DLG2: variants seen among roughly 807,000 people sequenced by gnomAD.
DLG2 encodes discs large MAGUK scaffold protein 2.
Under a neutral mutation model 132.5 loss-of-function variants are expected in DLG2, and 45 were observed. That is an observed-to-expected ratio of 0.34 (90% CI 0.27 to 0.44). The LOEUF (loss-of-function observed/expected upper bound fraction) is 0.44, where lower values mean the gene tolerates loss of function less well. Ranked by LOEUF, DLG2 falls within the 20% of genes least tolerant of loss-of-function variation. The pLI, the probability that DLG2 is intolerant of heterozygous loss-of-function variation, is 1.00. For synonymous variants in DLG2, 424 were observed against 419.6 expected (o/e 1.01, Z -0.13); for missense variants, 1,045 against 1,196.9 (o/e 0.87, Z 1.87).
At chr11:84,628,303 T>C (rs1368956473) in intron 6 of DLG2, among the ~76,000 whole-genome samples, 1 of 152,132 alleles carries the variant, frequency 6.6e-6, no homozygotes, top group Non-Finnish European at 1.5e-5. Context: ...TATTCTCTGG[T>C]TAGTCCAAGC....
chr11:84,935,893 A>T (rs571977811), intron 6 of DLG2, among the ~76,000 whole-genome samples: 4 of 152,258 alleles, frequency 2.6e-5, no homozygotes, highest in Admixed American at 2.6e-4. Flanking sequence ...AACCTCCCTG[A>T]CTTTTGTCTA....
At chr11:85,173,449 G>A (rs1339987505) in intron 4 of DLG2, among the ~76,000 whole-genome samples, 1 of 152,160 alleles carries the variant, frequency 6.6e-6, no homozygotes, top group Non-Finnish European at 1.5e-5. Flanking sequence ...CATCAGGCCT[G>A]CCTTGCAAGA....
chr11:83,461,201 G>C (rs1488555497), intron 27 of DLG2, among the ~76,000 whole-genome samples: 2 of 151,740 alleles, frequency 1.3e-5, no homozygotes, highest in African/African-American at 4.8e-5. Context: ...GTAGAGACGG[G>C]GGTTTCACTA....
At chr11:85,429,913 G>A (rs1298248499) in intron 3 of DLG2, among the ~76,000 whole-genome samples, 5 of 152,116 alleles carry the variant, frequency 3.3e-5, no homozygotes, top group African/African-American at 1.2e-4. Context: ...ACACACATAT[G>A]TTTATTGTGG....
chr11:85,449,923 T>C (rs1481405165), intron 3 of DLG2, among the ~76,000 whole-genome samples: 1 of 151,822 alleles, frequency 6.6e-6, no homozygotes, highest in Non-Finnish European at 1.5e-5. Flanking sequence ...AGGTCGGGAG[T>C]TCGAGACCAG....
intron 11 of DLG2, among the ~76,000 whole-genome samples, chr11:84,056,302 C>T (rs370834688): frequency 9.2e-5 from 14 of 152,034 alleles, no homozygotes; most frequent in South Asian, 2.1e-4. Context: ...TCAACTCCCA[C>T]GACTGAGACC....
intron 12 of DLG2, among the ~76,000 whole-genome samples, chr11:83,977,676 A>G (rs150023387): frequency 2.6e-4 from 39 of 152,180 alleles, no homozygotes; most frequent in Non-Finnish European, 4.7e-4. Context: ...GGCACAAGCT[A>G]GGTTATTTCT....
chr11:85,429,259 T>C (rs1241750206), intron 3 of DLG2, among the ~76,000 whole-genome samples: 3 of 152,184 alleles, frequency 2.0e-5, no homozygotes, highest in African/African-American at 7.2e-5. Flanking sequence ...GAGGGAATCC[T>C]CCCTAACTCA....
chr11:85,382,419 A>G (rs546731936), intron 3 of DLG2, among the ~76,000 whole-genome samples: 39 of 152,254 alleles, frequency 2.6e-4, no homozygotes, highest in African/African-American at 9.1e-4. Flanking sequence ...AAACCCTTAG[A>G]AAATAATATT....
intron 10 of DLG2, among the ~76,000 whole-genome samples, chr11:84,066,451 A>G (rs2096673810): frequency 1.3e-5 from 2 of 152,116 alleles, no homozygotes; most frequent in South Asian, 4.1e-4. Flanking sequence ...GACCTCCTCA[A>G]GTTTTTATTC....
intron 4 of DLG2, among the ~76,000 whole-genome samples, chr11:85,199,364 C>A (rs999423230): frequency 6.6e-6 from 1 of 152,010 alleles, no homozygotes; most frequent in African/African-American, 2.4e-5. Context: ...TCCCCAGGGA[C>A]AAAAATTTAA....
At chr11:84,281,555 AG>A (rs1413205828) in intron 7 of DLG2, among the ~76,000 whole-genome samples, 5 of 151,754 alleles carry the variant, frequency 3.3e-5, no homozygotes, top group African/African-American at 1.2e-4. Flanking sequence ...CTCATCATTT[AG>A]CATTAGGTAG....
chr11:85,532,478 T>C (rs2075274396), intron 3 of DLG2, among the ~76,000 whole-genome samples: 1 of 152,222 alleles, frequency 6.6e-6, no homozygotes, highest in Non-Finnish European at 1.5e-5. Context: ...AAATATGATG[T>C]ATTCATTTGT....
intron 6 of DLG2, among the ~76,000 whole-genome samples, chr11:85,084,447 A>C (rs1490243413): frequency 6.6e-6 from 1 of 152,142 alleles, no homozygotes. Context: ...TGAGAGCAAG[A>C]GTGTAGTTTT....
intron 7 of DLG2, among the ~76,000 whole-genome samples, chr11:84,532,073 A>G (rs2099343890): frequency 6.6e-6 from 1 of 150,410 alleles, no homozygotes; most frequent in Admixed American, 6.6e-5. Context: ...CTGAAGACTT[A>G]ATATACAAAA....
At chr11:85,044,978 C>T (rs551867913) in intron 6 of DLG2, among the ~76,000 whole-genome samples, 3 of 151,964 alleles carry the variant, frequency 2.0e-5, no homozygotes, top group South Asian at 2.1e-4. Context: ...TTTCTCTGCC[C>T]GTTAATTCAT....
chr11:84,793,710 T>C (rs1193514736), intron 6 of DLG2, among the ~76,000 whole-genome samples: 1 of 152,230 alleles, frequency 6.6e-6, no homozygotes, highest in East Asian at 1.9e-4. Context: ...TGTCTGATAT[T>C]AGTATAGCTA....
At chr11:84,187,831 T>C (rs2096310730) in intron 8 of DLG2, among the ~76,000 whole-genome samples, 3 of 152,090 alleles carry the variant, frequency 2.0e-5, no homozygotes, top group African/African-American at 7.2e-5. Context: ...GGCTAATTTA[T>C]CTGACTGCTT....
chr11:84,973,106 T>A (rs950594779), intron 6 of DLG2, among the ~76,000 whole-genome samples: 2 of 151,812 alleles, frequency 1.3e-5, no homozygotes. Context: ...TACAGGTGCA[T>A]CCCACCACAC....
Sources: gnomAD v4.1 joint callset for allele counts (sites outside exome capture counted in the v4.1 genomes callset) on GRCh38, gnomAD v4.1.1 for gene constraint, MANE v1.5 for transcripts, NCBI Gene and HGNC (gene_info 2026-07-23, HGNC 2026-07-21) for gene names.